MEP1A: variants seen among roughly 807,000 people sequenced by gnomAD.
MEP1A encodes meprin A subunit alpha, also known as N-benzoyl-L-tyrosyl-P-amino-benzoic acid hydrolase subunit alpha.
MEP1A carries 68 observed loss-of-function variants against 84.5 expected under a neutral mutation model. The ratio of observed to expected loss-of-function variants is 0.80; its 90% CI spans 0.66 to 0.98. The LOEUF is 0.98. Among genes scored for constraint, MEP1A ranks in the 50% least tolerant of loss-of-function variants. The probability of loss-of-function intolerance (pLI) is 0.00; values close to 1 mark genes in which losing one functional copy is unlikely to be tolerated. For synonymous variants in MEP1A, 337 were observed against 336.8 expected, an observed-to-expected ratio of 1.00 and a Z score of -0.01; for missense variants, 887 against 919.9, an observed-to-expected ratio of 0.96 and a Z score of 0.46.
intron 5 of MEP1A, among the ~76,000 whole-genome samples, chr6:46,802,703 C>T (rs1767221564): frequency 6.6e-6 from 1 of 151,632 alleles, no homozygotes; most frequent in South Asian, 2.1e-4. Context: ...TGTAGGTTTT[C>T]CACAGATGCC....
At chr6:46,797,792 C>CTCTTTCTTTCTTTCTTTCTCTT (rs1767081070) in intron 3 of MEP1A, among the ~76,000 whole-genome samples, 41 of 136,680 alleles carry the variant, frequency 3.0e-4, no homozygotes, top group African/African-American at 1.1e-3. Context: ...TTCTTTCTTT[C>CTCTTTCTTTCTTTCTTTCTCTT]TCTTTCTTTC....
chr6:46,800,748 T>G (rs559787658), intron 5 of MEP1A, among the ~76,000 whole-genome samples: 1 of 152,258 alleles, frequency 6.6e-6, no homozygotes, highest in South Asian at 2.1e-4. Context: ...GACAAACACA[T>G]ATACCTATAT....
In MEP1A at chr6:46,820,172, C is replaced by T. The variant is rs551640493; in HGVS notation, c.556+468C>T. ...CAAATCAATAAAAAATGTTTAAAAA[C>T]AAAAACAAAAATAAATGCTTTTATC... On this transcript the variant is annotated intron_variant, in intron 7 of 13. Coordinates refer to ENST00000230588, the MANE Select transcript of MEP1A (RefSeq NM_005588.3). Among the ~76,000 whole-genome samples, 3 of 152,102 alleles carry T rather than the reference C, an allele frequency of 2.0e-5. No individual in the cohort carries two copies. The South Asian group carries it at 6.2e-4, about 32-fold the overall frequency.
intron 5 of MEP1A, among the ~76,000 whole-genome samples, chr6:46,802,692 C>CTGTA (rs150944003): frequency 0.017 from 2,607 of 151,888 alleles, 44 homozygotes; most frequent in Middle Eastern, 0.054. Context: ...ATGTGGGACA[C>CTGTA]TGTAGGTTTT....
intron 13 of MEP1A, 54 bp downstream of exon 13, chr6:46,835,603 T>A (rs557597580): frequency 8.1e-5 from 127 of 1,573,270 alleles, no homozygotes; most frequent in Non-Finnish European, 1.1e-4. Flanking sequence ...GCCGTGTGCA[T>A]GCTTGCTCCT....
intron 9 of MEP1A, among the ~76,000 whole-genome samples, chr6:46,828,862 C>G (rs571355132): frequency 3.0e-4 from 46 of 152,038 alleles, no homozygotes; most frequent in Middle Eastern, 3.4e-3. Flanking sequence ...TTTTTTGCCA[C>G]TGATAATACA....
In MEP1A at chr6:46,826,581, C is replaced by T. The variant is rs963099208; in HGVS notation, c.928+78C>T. On this transcript the variant is annotated intron_variant, in intron 9 of 13. Coordinates refer to ENST00000230588, the MANE Select transcript of MEP1A (RefSeq NM_005588.3). Reference sequence around the variant, plus strand: ...GGTTATGCCAGCCACCATGTTTTGCCTCAGTCAGAATGTTAGTTATCAAAC... The same window carrying T: ...GGTTATGCCAGCCACCATGTTTTGCTTCAGTCAGAATGTTAGTTATCAAAC... The T allele has an allele frequency of 1.7e-5, 21 of 1,261,518 alleles. No homozygotes were observed. In the South Asian group the frequency reaches 2.7e-4, roughly 16 times the overall value. The allele number at this position is 1,261,518 out of a possible 1,614,324, so 78.1% of individuals were successfully genotyped here. A position where few individuals can be genotyped will look rare whatever the true frequency, so the allele number is the denominator to read the frequency against.
chr6:46,813,788 G>C (rs1257772401), intron 6 of MEP1A, among the ~76,000 whole-genome samples: 2 of 152,138 alleles, frequency 1.3e-5, no homozygotes, highest in Admixed American at 6.5e-5. Context: ...GAAAAAGACT[G>C]TATCTTTCCT....
At chr6:46,814,612 T>A (rs992752361) in intron 6 of MEP1A, among the ~76,000 whole-genome samples, 1 of 152,190 alleles carries the variant, frequency 6.6e-6, no homozygotes, top group Non-Finnish European at 1.5e-5. Context: ...TTGGCAGTGT[T>A]AAAGAATCTT....
intron 5 of MEP1A, among the ~76,000 whole-genome samples, chr6:46,806,301 T>C (rs1767317736): frequency 6.6e-6 from 1 of 152,092 alleles, no homozygotes. Flanking sequence ...TGTTACATTG[T>C]AGTGATTATG....
rs751119683 is a variant in MEP1A, at chr6:46,825,388, G to A, written c.673G>A (p.Val225Ile). ...TTTCTCATTTAACAAGAATGCAAGT[G>A]TTCCCACCATCACAGCCAAGATCCC... ...QPFSFNKNAS[V>I]PTITAKIPEF... The change falls in exon 8 of 14, where the codon GTT (valine) becomes ATT (isoleucine). Residue 225 changes from valine (V) to isoleucine (I), a missense_variant. Coordinates refer to ENST00000230588, the MANE Select transcript of MEP1A (RefSeq NM_005588.3). 2 of 1,613,360 alleles carry A rather than the reference G, an allele frequency of 1.2e-6. No homozygotes were observed. The highest frequency in any genetic ancestry group is 3.3e-5 in the Admixed American group (2 of 59,972).
downstream of MEP1A, among the ~76,000 whole-genome samples, chr6:46,843,842 A>G (rs1040013772): frequency 6.6e-5 from 10 of 152,340 alleles, no homozygotes; most frequent in African/African-American, 2.4e-4. Flanking sequence ...GTATTTGGGT[A>G]AACTGAGGCA....
chr6:46,837,412 G>C (rs1406674842), intron 13 of MEP1A, among the ~76,000 whole-genome samples: 1 of 152,100 alleles, frequency 6.6e-6, no homozygotes, highest in Non-Finnish European at 1.5e-5. Flanking sequence ...TTACTTTCTG[G>C]CACCATAACA....
rs547420802 is a variant in MEP1A at position 46,838,473 on chromosome 6, T to C, written c.2085-507T>C. 1.1e-4 allele frequency among the ~76,000 whole-genome samples: 16 copies of C among 152,360 alleles called. No individual in the cohort carries two copies. In the South Asian group the frequency reaches 3.3e-3, roughly 32 times the overall value. ...TGAACTTCAGGGCAACCTCGTGAGA[T>C]AGTGACAGTACACTAACCTTATAGT... On this transcript the variant is annotated intron_variant, in intron 13 of 13. Coordinates refer to ENST00000230588, the MANE Select transcript of MEP1A (RefSeq NM_005588.3).
At chr6:46,808,130 T>C (rs1048217974) in intron 5 of MEP1A, among the ~76,000 whole-genome samples, 4 of 151,624 alleles carry the variant, frequency 2.6e-5, no homozygotes, top group Non-Finnish European at 5.9e-5. Context: ...GAAGCTTGCT[T>C]TCAGTATAAT....
intron 7 of MEP1A, among the ~76,000 whole-genome samples, chr6:46,820,566 T>C (rs1767748585): frequency 6.6e-6 from 1 of 152,114 alleles, no homozygotes; most frequent in Non-Finnish European, 1.5e-5. Context: ...CTGTATTTTT[T>C]AAGTAGAGAT....
intron 3 of MEP1A, among the ~76,000 whole-genome samples, chr6:46,797,618 T>G (rs1234488130): frequency 6.6e-6 from 1 of 152,098 alleles, no homozygotes; most frequent in Non-Finnish European, 1.5e-5. Flanking sequence ...TCATTTACTT[T>G]GGGACAAGAG....
At chr6:46,821,599 T>C (rs1767778010) in intron 7 of MEP1A, among the ~76,000 whole-genome samples, 2 of 152,238 alleles carry the variant, frequency 1.3e-5, no homozygotes, top group Non-Finnish European at 2.9e-5. Flanking sequence ...TACCTTCCTG[T>C]ACATATACTG....
chr6:46,811,876 T>C (rs887793126), intron 6 of MEP1A, among the ~76,000 whole-genome samples: 1 of 152,086 alleles, frequency 6.6e-6, no homozygotes, highest in African/African-American at 2.4e-5. Context: ...AGTTCATCAG[T>C]ACATTATTGA....
Sources: allele counts gnomAD v4.1 joint callset (sites outside exome capture counted in the v4.1 genomes callset), GRCh38; gene constraint gnomAD v4.1.1; transcripts MANE v1.5; gene names NCBI Gene and HGNC (gene_info 2026-07-23, HGNC 2026-07-21).